The following CNBD1 variants were observed in gnomAD, a reference collection of about 807,000 sequenced individuals.
CNBD1 encodes the protein cyclic nucleotide binding domain containing 1.
A neutral mutation model predicts 54.4 loss-of-function variants in CNBD1; 71 were observed. That is an observed-to-expected ratio of 1.30 (90% CI 1.08 to 1.59). CNBD1 has a LOEUF of 1.59. CNBD1 is among the 40% of genes most tolerant of loss of function. The pLI is 0.00. For synonymous variants in CNBD1, 182 were observed against 170.7 expected (o/e 1.07, Z -0.51); for missense variants, 659 against 518.0 (o/e 1.27, Z -2.64).
chr8:86,980,292 C>T (rs1808452000), intron 4 of CNBD1, among the ~76,000 whole-genome samples: 1 of 152,214 alleles, frequency 6.6e-6, no homozygotes, highest in Non-Finnish European at 1.5e-5. Context: ...CAGCCACCAG[C>T]TCTGAGCAAG....
At chr8:87,114,446 G>T (rs1427139997) in intron 4 of CNBD1, among the ~76,000 whole-genome samples, 1 of 152,088 alleles carries the variant, frequency 6.6e-6, no homozygotes, top group Non-Finnish European at 1.5e-5. Flanking sequence ...CGCCTCCCAG[G>T]TTCCAGTGAT....
chr8:86,950,915 A>G (rs937414366), intron 4 of CNBD1, among the ~76,000 whole-genome samples: 1 of 152,132 alleles, frequency 6.6e-6, no homozygotes, highest in African/African-American at 2.4e-5. Context: ...AGATTTTCCA[A>G]TGTATTTTAT....
chr8:86,938,928 G>A (rs892738707), intron 3 of CNBD1, among the ~76,000 whole-genome samples: 1 of 152,048 alleles, frequency 6.6e-6, no homozygotes, highest in African/African-American at 2.4e-5. Flanking sequence ...ATAATTAAAG[G>A]TCTATTATCA....
chr8:87,189,200 C>G (rs1813546730), intron 4 of CNBD1, among the ~76,000 whole-genome samples: 1 of 152,088 alleles, frequency 6.6e-6, no homozygotes, highest in South Asian at 2.1e-4. Context: ...GTTTTGAGAA[C>G]TTACTTATAC....
At chr8:87,043,605 G>A (rs1810119485) in intron 4 of CNBD1, among the ~76,000 whole-genome samples, 1 of 152,136 alleles carries the variant, frequency 6.6e-6, no homozygotes, top group South Asian at 2.1e-4. Flanking sequence ...AGCTGCGTGG[G>A]AAACAGCTCT....
At chr8:87,405,750 G>T (rs116887890) in intron 2 of CNBD1, among the ~76,000 whole-genome samples, 1 of 152,108 alleles carries the variant, frequency 6.6e-6, no homozygotes, top group East Asian at 1.9e-4. Context: ...TAACAATGCC[G>T]ATAGCACAAG....
At chr8:87,312,906 T>TA (rs1261312320) in intron 8 of CNBD1, among the ~76,000 whole-genome samples, 1 of 152,062 alleles carries the variant, frequency 6.6e-6, no homozygotes, top group Non-Finnish European at 1.5e-5. Flanking sequence ...ATGAGATTTG[T>TA]ATTTGCTCCC....
At chr8:87,369,878 TC>T (rs1810730865) in intron 10 of CNBD1, among the ~76,000 whole-genome samples, 1 of 151,250 alleles carries the variant, frequency 6.6e-6, no homozygotes. Flanking sequence ...CCCTCCCCAC[TC>T]CCCCGACCCC....
At chr8:87,141,981 C>T (rs1812378892) in intron 4 of CNBD1, among the ~76,000 whole-genome samples, 1 of 152,124 alleles carries the variant, frequency 6.6e-6, no homozygotes, top group African/African-American at 2.4e-5. Context: ...AAAAAGACTC[C>T]TTAACTGTGA....
At position 87,185,171 on chromosome 8, in the gene CNBD1, G is replaced by T. The variant is rs543252574; in HGVS notation, c.432-20822G>T. Among the ~76,000 whole-genome samples, 7 of 152,238 alleles carry T rather than the reference G, an allele frequency of 4.6e-5. No individual in the cohort carries two copies. In the East Asian group the frequency reaches 9.7e-4, roughly 21 times the overall value. On this transcript the variant is annotated intron_variant, in intron 4 of 10. Transcript: ENST00000518476. ...TAAATGTTCCACATACAATCAAAAA[G>T]AATGTATATTCTGCTCTTTTTTGAG...
At chr8:87,110,067 C>T (rs1811630348) in intron 4 of CNBD1, among the ~76,000 whole-genome samples, 1 of 152,180 alleles carries the variant, frequency 6.6e-6, no homozygotes, top group Non-Finnish European at 1.5e-5. Context: ...GGCTACTTTT[C>T]TTCCCACACA....
Position 87,202,199 on chromosome 8 carries a change from T to C in CNBD1, c.432-3794T>C, listed in dbSNP as rs372234934. On this transcript the variant is annotated intron_variant, in intron 4 of 10. Coordinates refer to ENST00000518476, the MANE Select transcript of CNBD1 (RefSeq NM_173538.3). ...GATTATTTTCATCAGATAACATCAG[T>C]TTAAAATATGTTAACACAGTAACTG... 4.0e-3 allele frequency among the ~76,000 whole-genome samples: 454 copies of C among 114,046 alleles called. 7 individuals carry two copies. The Middle Eastern group carries it at 0.044, about 11-fold the overall frequency. 74.8% of individuals were successfully genotyped at this position (114,046 alleles called of 152,430 possible).
chr8:87,266,275 T>C (rs1352356069), intron 6 of CNBD1, among the ~76,000 whole-genome samples: 1 of 151,696 alleles, frequency 6.6e-6, no homozygotes, highest in African/African-American at 2.4e-5. Context: ...ATACACTAGA[T>C]ATCCCTAAAG....
intron 4 of CNBD1, among the ~76,000 whole-genome samples, chr8:86,951,539 C>T (rs1807621751): frequency 8.1e-6 from 1 of 123,330 alleles, no homozygotes; most frequent in South Asian, 2.6e-4. Flanking sequence ...GAGATCATGC[C>T]ACTGCACTCC....
chr8:87,249,337 G>A (rs1486837443), intron 6 of CNBD1, among the ~76,000 whole-genome samples: 1 of 152,116 alleles, frequency 6.6e-6, no homozygotes, highest in East Asian at 1.9e-4. Context: ...TGTAAACATA[G>A]ATGAAGCTTT....
At chr8:86,902,810 C>A (rs1200201217) in intron 2 of CNBD1, among the ~76,000 whole-genome samples, 1 of 152,036 alleles carries the variant, frequency 6.6e-6, no homozygotes, top group African/African-American at 2.4e-5. Flanking sequence ...TACTCTCCAA[C>A]TCTACCATAA....
intron 5 of CNBD1, among the ~76,000 whole-genome samples, chr8:87,216,007 C>A (rs929646014): frequency 6.6e-6 from 1 of 152,130 alleles, no homozygotes; most frequent in East Asian, 1.9e-4. Flanking sequence ...GTGTTGAGTT[C>A]TTTCGCTTAA....
chr8:87,234,208 G>T (rs908808181), intron 5 of CNBD1, among the ~76,000 whole-genome samples: 6 of 152,120 alleles, frequency 3.9e-5, no homozygotes, highest in Middle Eastern at 3.4e-3. Context: ...CATCCTTGAG[G>T]GTTGGAATCA....
At chr8:87,042,325 C>T (rs1474669340) in intron 4 of CNBD1, among the ~76,000 whole-genome samples, 2 of 152,090 alleles carry the variant, frequency 1.3e-5, no homozygotes, top group African/African-American at 4.8e-5. Context: ...TACAAATGAG[C>T]CATCAGCCCA....
Sources: allele counts gnomAD v4.1 joint callset (sites outside exome capture counted in the v4.1 genomes callset), GRCh38; gene constraint gnomAD v4.1.1; transcripts MANE v1.5; gene names NCBI Gene and HGNC (gene_info 2026-07-23, HGNC 2026-07-21).